CALN1: variants seen among roughly 807,000 people sequenced by gnomAD.
CALN1 encodes the protein calcium-binding protein 8.
A neutral mutation model predicts 30.6 loss-of-function variants in CALN1; 17 were observed. That is an observed-to-expected ratio of 0.56 (90% CI 0.38 to 0.83). The LOEUF (loss-of-function observed/expected upper bound fraction) is 0.83, where lower values mean the gene tolerates loss of function less well. CALN1 is among the 40% of genes least tolerant of loss of function. The probability of loss-of-function intolerance (pLI) is 0.00; values close to 1 mark genes in which losing one functional copy is unlikely to be tolerated. For missense variants in CALN1, 291 were observed against 354.9 expected (o/e 0.82, Z 1.45); for synonymous variants, 156 against 131.4 (o/e 1.19, Z -1.28).
At chr7:72,281,405 C>A (rs1585349624) in intron 2 of CALN1, among the ~76,000 whole-genome samples, 1 of 152,314 alleles carries the variant, frequency 6.6e-6, no homozygotes, top group African/African-American at 2.4e-5. Context: ...GATGTCAACC[C>A]TGGCTAACAC....
chr7:72,094,539 C>T (rs1037055766), intron 4 of CALN1, among the ~76,000 whole-genome samples: 3 of 152,148 alleles, frequency 2.0e-5, no homozygotes, highest in Admixed American at 2.0e-4. Context: ...CAGGCGTGAG[C>T]CACCATGCCT....
At chr7:72,305,879 TG>T (rs1799611360) in intron 2 of CALN1, among the ~76,000 whole-genome samples, 1 of 152,156 alleles carries the variant, frequency 6.6e-6, no homozygotes, top group Non-Finnish European at 1.5e-5. Flanking sequence ...TGTCCTCACA[TG>T]GTCGGGGAGA....
chr7:72,463,268 C>T, the CALN1 span, among the ~76,000 whole-genome samples: 1 of 152,146 alleles, frequency 6.6e-6, no homozygotes, highest in Admixed American at 6.5e-5. Context: ...ATTACAGGCA[C>T]CCACTACCAC....
chr7:72,305,843 G>C (rs1799609137), intron 2 of CALN1, among the ~76,000 whole-genome samples: 1 of 152,160 alleles, frequency 6.6e-6, no homozygotes, highest in Admixed American at 6.5e-5. Context: ...TCTCTTCCTG[G>C]CTTACAAATG....
intron 3 of CALN1, among the ~76,000 whole-genome samples, chr7:72,196,715 T>G (rs564689941): frequency 6.6e-6 from 1 of 152,236 alleles, no homozygotes; most frequent in South Asian, 2.1e-4. Context: ...CAAATACGTG[T>G]TCACATATAT....
intron 5 of CALN1, among the ~76,000 whole-genome samples, chr7:71,863,286 A>G (rs974382779): frequency 6.6e-5 from 10 of 150,722 alleles, no homozygotes; most frequent in African/African-American, 2.4e-4. Context: ...GGCCAGGCAC[A>G]GTGGCTCACA....
At chr7:71,815,977 A>G (rs1328258262) in intron 5 of CALN1, among the ~76,000 whole-genome samples, 1 of 151,258 alleles carries the variant, frequency 6.6e-6, no homozygotes, top group Non-Finnish European at 1.5e-5. Flanking sequence ...TCCTGGGCTC[A>G]AGCAATCTTC....
At chr7:71,917,234 C>G (rs1472455680) in intron 5 of CALN1, among the ~76,000 whole-genome samples, 1 of 152,122 alleles carries the variant, frequency 6.6e-6, no homozygotes, top group Non-Finnish European at 1.5e-5. Context: ...CTTTCAGAAA[C>G]AACAGGATGA....
At chr7:72,062,827 T>C (rs572956572) in intron 4 of CALN1, among the ~76,000 whole-genome samples, 1 of 152,278 alleles carries the variant, frequency 6.6e-6, no homozygotes, top group South Asian at 2.1e-4. Flanking sequence ...ATTCACAGTT[T>C]AAAACTTTCC....
intron 2 of CALN1, among the ~76,000 whole-genome samples, chr7:72,334,929 G>A (rs1008103591): frequency 6.6e-6 from 1 of 152,188 alleles, no homozygotes; most frequent in African/African-American, 2.4e-5. Context: ...TCTTCCACCA[G>A]GGCAGGCTAC....
intron 2 of CALN1, among the ~76,000 whole-genome samples, chr7:72,364,889 G>T (rs1803789561): frequency 6.6e-6 from 1 of 151,634 alleles, no homozygotes; most frequent in African/African-American, 2.4e-5. Flanking sequence ...ACAAAAATTA[G>T]CCGGACATGG....
intron 5 of CALN1, among the ~76,000 whole-genome samples, chr7:71,897,969 A>AC (rs1793618694): frequency 2.6e-5 from 3 of 117,382 alleles, no homozygotes; most frequent in Non-Finnish European, 5.1e-5. Context: ...AAAAAACAAA[A>AC]AACAAAAAAA....
chr7:72,484,890 G>GT, the CALN1 span, among the ~76,000 whole-genome samples: 2 of 151,916 alleles, frequency 1.3e-5, no homozygotes, highest in Admixed American at 6.6e-5. Context: ...GTTTTTTATT[G>GT]TTTTTTATGT....
chr7:71,932,457 G>A (rs371687117), intron 5 of CALN1, among the ~76,000 whole-genome samples: 6 of 152,048 alleles, frequency 3.9e-5, no homozygotes, highest in African/African-American at 1.4e-4. Flanking sequence ...ATGAGCTATC[G>A]TGCCTGGTGG....
chr7:71,794,148 T>C (rs1273536247), intron 6 of CALN1, among the ~76,000 whole-genome samples: 1 of 152,044 alleles, frequency 6.6e-6, no homozygotes, highest in Non-Finnish European at 1.5e-5. Context: ...TTCCAATAAG[T>C]GAAGTTCAAG....
At chr7:72,302,231 G>A (rs1034412793) in intron 2 of CALN1, among the ~76,000 whole-genome samples, 3 of 152,138 alleles carry the variant, frequency 2.0e-5, no homozygotes, top group Admixed American at 6.6e-5. Context: ...GACTGAAAAT[G>A]CCTGTCAGCT....
intron 3 of CALN1, among the ~76,000 whole-genome samples, chr7:72,132,593 A>T (rs1204211606): frequency 6.6e-6 from 1 of 152,236 alleles, no homozygotes; most frequent in Admixed American, 6.5e-5. Context: ...CATCTTGCAC[A>T]GGCAGTGTTT....
intron 1 of CALN1, among the ~76,000 whole-genome samples, chr7:72,404,456 G>T (rs137861684): frequency 3.0e-4 from 45 of 152,344 alleles, no homozygotes; most frequent in Non-Finnish European, 5.1e-4. Context: ...GAGATGTGAA[G>T]TTCAGAGAGT....
At chr7:72,200,659 G>A (rs890572925) in intron 3 of CALN1, among the ~76,000 whole-genome samples, 5 of 151,504 alleles carry the variant, frequency 3.3e-5, no homozygotes, top group Admixed American at 6.6e-5. Flanking sequence ...TGGGGGATGC[G>A]GTCTCCATGA....
Sources: allele counts gnomAD v4.1 joint callset (sites outside exome capture counted in the v4.1 genomes callset), GRCh38; gene constraint gnomAD v4.1.1; transcripts MANE v1.5; gene names NCBI Gene and HGNC (gene_info 2026-07-23, HGNC 2026-07-21).